Variants in DPH6 observed in about 807,000 individuals in gnomAD.
DPH6 encodes diphthamine biosynthesis 6, also known as diphthine--ammonia ligase.
DPH6 carries 33 observed loss-of-function variants against 38.2 expected under a neutral mutation model. The ratio of observed to expected loss-of-function variants is 0.86; its 90% confidence interval spans 0.65 to 1.15. The LOEUF (loss-of-function observed/expected upper bound fraction) is 1.15, where lower values mean the gene tolerates loss of function less well. Ranked by LOEUF, DPH6 falls within the 50% of genes most tolerant of loss-of-function variation. DPH6 has a pLI of 0.00. For missense variants in DPH6, 325 were observed against 320.0 expected (o/e 1.02, Z -0.12); for synonymous variants, 108 against 103.0 (o/e 1.05, Z -0.30).
At chr15:35,297,311 T>G (rs1368877213) in intron 3 of DPH6, among the ~76,000 whole-genome samples, 2 of 151,606 alleles carry the variant, frequency 1.3e-5, no homozygotes, top group African/African-American at 4.9e-5. Flanking sequence ...GAAATCTATA[T>G]CCACTCTTTT....
intron 3 of DPH6, among the ~76,000 whole-genome samples, chr15:35,307,174 C>T (rs2052098848): frequency 6.6e-6 from 1 of 152,052 alleles, no homozygotes; most frequent in African/African-American, 2.4e-5. Context: ...CTGGGCACTA[C>T]TCTGACTAGG....
chr15:35,375,845 C>T (rs1566885748), intron 7 of DPH6, among the ~76,000 whole-genome samples: 2 of 152,064 alleles, frequency 1.3e-5, no homozygotes, highest in Non-Finnish European at 1.5e-5. Flanking sequence ...GGTATTCCCT[C>T]TTGAGACTCA....
downstream of DPH6, among the ~76,000 whole-genome samples, chr15:35,326,621 A>C (rs1360430811): frequency 6.6e-6 from 1 of 152,028 alleles, no homozygotes; most frequent in Non-Finnish European, 1.5e-5. Context: ...TTTTTTGTAG[A>C]GATAGGGTCT....
chr15:35,282,370 G>C (rs2051904787), intron 3 of DPH6, among the ~76,000 whole-genome samples: 1 of 152,102 alleles, frequency 6.6e-6, no homozygotes, highest in African/African-American at 2.4e-5. Context: ...GTAGAGACAA[G>C]GTCTCACTAT....
the DPH6 span, among the ~76,000 whole-genome samples, chr15:35,149,913 C>T: frequency 1.3e-5 from 2 of 152,322 alleles, no homozygotes; most frequent in Non-Finnish European, 2.9e-5. Context: ...GGTCTTCTCA[C>T]TGCCAGTGAG....
chr15:35,320,486 T>G (rs2052230551), intron 3 of DPH6, among the ~76,000 whole-genome samples: 1 of 152,208 alleles, frequency 6.6e-6, no homozygotes, highest in Non-Finnish European at 1.5e-5. Context: ...TTTAGATTTC[T>G]ATATTTGTGG....
At chr15:35,412,598 C>T (rs1243000175) in intron 5 of DPH6, among the ~76,000 whole-genome samples, 3 of 151,422 alleles carry the variant, frequency 2.0e-5, no homozygotes, top group Admixed American at 1.3e-4. Context: ...AGTAGGTGAA[C>T]GACTAAGTAA....
At chr15:35,352,293 A>C (rs1388968809) in intron 3 of DPH6, among the ~76,000 whole-genome samples, 1 of 151,618 alleles carries the variant, frequency 6.6e-6, no homozygotes, top group African/African-American at 2.4e-5. Flanking sequence ...AATTTTTTTT[A>C]TTATACTTTA....
At chr15:35,302,446 C>T (rs1487504521) in intron 3 of DPH6, among the ~76,000 whole-genome samples, 1 of 152,258 alleles carries the variant, frequency 6.6e-6, no homozygotes, top group East Asian at 1.9e-4. Flanking sequence ...ATGCCCTACT[C>T]TTTTATCAAT....
At position 35,397,985 on chromosome 15, in the gene DPH6, C is replaced by T. The variant is rs766863959; in HGVS notation, c.567+12850G>A. On this transcript the variant is annotated intron_variant, in intron 6 of 8. Coordinates refer to ENST00000256538, the MANE Select transcript of DPH6 (RefSeq NM_080650.4). Reference sequence around the variant, plus strand: ...AAAAGCAAATTAGAGCATGCTATCTCCTTCAAGACAGGAGAATGGAGAATC... The same window carrying T: ...AAAAGCAAATTAGAGCATGCTATCTTCTTCAAGACAGGAGAATGGAGAATC... Among the ~76,000 whole-genome samples the T allele has an allele frequency of 7.1e-4, 108 of 151,914 alleles. 1 individual carries two copies. The highest frequency in any genetic ancestry group is 2.5e-4 in the Non-Finnish European group (17 of 67,996).
intron 3 of DPH6, chr15:35,237,816 T>G: frequency 6.4e-7 from 1 of 1,569,050 alleles, no homozygotes; most frequent in South Asian, 1.1e-5. Flanking sequence ...GAGGGCTACG[T>G]GGAGGGCCTG....
At chr15:35,197,478 A>G in the DPH6 span, among the ~76,000 whole-genome samples, 1 of 152,186 alleles carries the variant, frequency 6.6e-6, no homozygotes, top group African/African-American at 2.4e-5. Context: ...AATCTGATTA[A>G]TGGCTGTGGC....
rs1009695957 is a variant in DPH6 at position 35,371,985 on chromosome 15, C to T, written c.*165G>A. On this transcript the variant is annotated 3_prime_UTR_variant, in exon 9 of 9. Coordinates refer to ENST00000256538, the MANE Select transcript of DPH6 (RefSeq NM_080650.4). ...TTAATGAACATGCCGTCGACATTTT[C>T]CCAATTAATAAATGGTTCCACTAAC... 2.0e-5 allele frequency: 26 copies of T among 1,325,428 alleles called. No homozygotes were observed. In the African/African-American group the frequency reaches 3.1e-4, roughly 16 times the overall value. 82.1% of individuals were successfully genotyped at this position (1,325,428 alleles called of 1,614,324 possible).
chr15:35,489,649 T>C, intron 3 of DPH6: 2 of 979,412 alleles, frequency 2.0e-6, no homozygotes, highest in Non-Finnish European at 2.4e-6. Flanking sequence ...AGTAAAAAAA[T>C]ACCCTAAGGC....
chr15:35,240,236 G>T (rs1400129737), intron 3 of DPH6, among the ~76,000 whole-genome samples: 1 of 143,242 alleles, frequency 7.0e-6, no homozygotes, highest in Non-Finnish European at 1.5e-5. Context: ...CATCCTACAA[G>T]ATCTAAATAA....
intron 3 of DPH6, among the ~76,000 whole-genome samples, chr15:35,335,629 G>A (rs1360760025): frequency 6.6e-6 from 1 of 152,052 alleles, no homozygotes; most frequent in Non-Finnish European, 1.5e-5. Context: ...AGTTCTCCCA[G>A]GATCATTTAT....
intron 3 of DPH6, among the ~76,000 whole-genome samples, chr15:35,238,695 G>A (rs2051575259): frequency 6.6e-6 from 1 of 152,132 alleles, no homozygotes; most frequent in African/African-American, 2.4e-5. Flanking sequence ...CACCCAGATG[G>A]CCTGAAGTAA....
intron 3 of DPH6, among the ~76,000 whole-genome samples, chr15:35,353,811 G>C (rs2052536367): frequency 6.6e-6 from 1 of 152,126 alleles, no homozygotes. Context: ...TTCCAATTCT[G>C]TGAAGAAAGT....
intron 3 of DPH6, among the ~76,000 whole-genome samples, chr15:35,492,705 G>A (rs908951192): frequency 1.3e-5 from 2 of 152,126 alleles, no homozygotes; most frequent in Non-Finnish European, 2.9e-5. Context: ...CATAAGGTAT[G>A]CTTTTCTATT....
Sources: allele counts gnomAD v4.1 joint callset (sites outside exome capture counted in the v4.1 genomes callset), GRCh38; gene constraint gnomAD v4.1.1; transcripts MANE v1.5; gene names NCBI Gene and HGNC (gene_info 2026-07-23, HGNC 2026-07-21).